GPR158: variants seen among roughly 807,000 people sequenced by gnomAD.
GPR158 encodes the protein G protein-coupled receptor 158, also known as metabotropic glycine receptor.
GPR158 carries 30 observed loss-of-function variants against 78.2 expected under a neutral mutation model. That is an observed-to-expected ratio of 0.38 (90% CI 0.29 to 0.52). The LOEUF (loss-of-function observed/expected upper bound fraction) is 0.52. Among genes scored for constraint, GPR158 ranks in the 20% least tolerant of loss-of-function variants. The pLI is 0.83. For missense variants in GPR158, 1,463 were observed against 1,523.5 expected, an observed-to-expected ratio of 0.96 and a Z score of 0.66; for synonymous variants, 581 against 591.1, an observed-to-expected ratio of 0.98 and a Z score of 0.25.
chr10:25,412,643 A>G (rs1834608722), intron 4 of GPR158, among the ~76,000 whole-genome samples, 170 bp downstream of exon 4: 1 of 152,222 alleles, frequency 6.6e-6, no homozygotes, highest in Non-Finnish European at 1.5e-5. Context: ...AGAAAAATAG[A>G]GATTAAAACA....
intron 7 of GPR158, among the ~76,000 whole-genome samples, chr10:25,582,861 A>G (rs375235881): frequency 3.3e-5 from 5 of 152,338 alleles, no homozygotes; most frequent in African/African-American, 1.2e-4. Context: ...TTCTGAGGAG[A>G]GCTCCTTTAA....
At chr10:25,330,577 G>T (rs1194096652) in intron 2 of GPR158, among the ~76,000 whole-genome samples, 1 of 152,156 alleles carries the variant, frequency 6.6e-6, no homozygotes, top group Admixed American at 6.5e-5. Context: ...ATGTTTAGAG[G>T]TTATATCTTG....
chr10:25,575,468 T>C (rs1837079470), intron 7 of GPR158, among the ~76,000 whole-genome samples: 1 of 152,126 alleles, frequency 6.6e-6, no homozygotes, highest in Non-Finnish European at 1.5e-5. Context: ...ACCTGGGGAC[T>C]TGTTAGAAAT....
At chr10:25,407,400 T>C (rs757245333) in intron 3 of GPR158, among the ~76,000 whole-genome samples, 3 of 152,198 alleles carry the variant, frequency 2.0e-5, no homozygotes, top group African/African-American at 7.2e-5. Flanking sequence ...ATTCTTTAGG[T>C]AATATTATCT....
chr10:25,459,053 T>G (rs1169158142), intron 4 of GPR158, among the ~76,000 whole-genome samples: 1 of 152,210 alleles, frequency 6.6e-6, no homozygotes, highest in Non-Finnish European at 1.5e-5. Context: ...TTCTTTTCCA[T>G]TTATGTAATT....
At chr10:25,398,586 A>C (rs1265456914) in intron 3 of GPR158, among the ~76,000 whole-genome samples, 1 of 152,198 alleles carries the variant, frequency 6.6e-6, no homozygotes, top group Non-Finnish European at 1.5e-5. Context: ...TACCAGGAGA[A>C]ACTGGTTAAC....
At chr10:25,491,145 C>G (rs1835804007) in intron 5 of GPR158, among the ~76,000 whole-genome samples, 1 of 152,050 alleles carries the variant, frequency 6.6e-6, no homozygotes, top group African/African-American at 2.4e-5. Flanking sequence ...GTGTGTGTAT[C>G]AAAAATTATC....
chr10:25,336,291 A>G (rs1419889631), intron 2 of GPR158, among the ~76,000 whole-genome samples: 1 of 152,082 alleles, frequency 6.6e-6, no homozygotes, highest in Non-Finnish European at 1.5e-5. Flanking sequence ...TAATAGAAAA[A>G]AAGACTTGAA....
At chr10:25,340,714 A>G (rs949800844) in intron 2 of GPR158, among the ~76,000 whole-genome samples, 1 of 152,000 alleles carries the variant, frequency 6.6e-6, no homozygotes, top group Non-Finnish European at 1.5e-5. Flanking sequence ...CTATGTAGAA[A>G]AGAGCTTAAA....
intron 2 of GPR158, among the ~76,000 whole-genome samples, chr10:25,310,762 T>A (rs1165794292): frequency 6.6e-6 from 1 of 152,046 alleles, no homozygotes; most frequent in African/African-American, 2.4e-5. Context: ...ATTTTTCTTT[T>A]GGATTTTGAG....
chr10:25,207,880 G>A (rs1250824880), intron 1 of GPR158, among the ~76,000 whole-genome samples: 1 of 152,202 alleles, frequency 6.6e-6, no homozygotes, highest in Non-Finnish European at 1.5e-5. Context: ...AGATAACAAT[G>A]TAAGTGCTGC....
intron 2 of GPR158, among the ~76,000 whole-genome samples, chr10:25,345,633 A>G (rs112042029): frequency 1.3e-5 from 2 of 151,990 alleles, no homozygotes; most frequent in Admixed American, 6.6e-5. Context: ...CTATAAATCA[A>G]CTTGTTTTTT....
intron 2 of GPR158, among the ~76,000 whole-genome samples, chr10:25,280,964 C>T (rs1012398389): frequency 4.7e-5 from 7 of 149,422 alleles, no homozygotes; most frequent in Non-Finnish European, 9.0e-5. Context: ...GCAAAATCCC[C>T]TCTCTACTAA....
intron 2 of GPR158, among the ~76,000 whole-genome samples, chr10:25,347,469 AG>A (rs1269008412): frequency 6.6e-6 from 1 of 152,028 alleles, no homozygotes; most frequent in Non-Finnish European, 1.5e-5. Flanking sequence ...TGCACAGATT[AG>A]GATGTGGCCA....
chr10:25,277,125 T>A (rs906995061), intron 2 of GPR158, among the ~76,000 whole-genome samples: 11 of 151,924 alleles, frequency 7.2e-5, no homozygotes, highest in African/African-American at 2.2e-4. Flanking sequence ...AATTTAAAAA[T>A]TTTTAAAAGA....
chr10:25,248,954 A>C (rs1381526634), intron 2 of GPR158, among the ~76,000 whole-genome samples: 1 of 150,602 alleles, frequency 6.6e-6, no homozygotes, highest in Non-Finnish European at 1.5e-5. Flanking sequence ...TGAGCATGGA[A>C]TGTTCTTCCA....
intron 2 of GPR158, among the ~76,000 whole-genome samples, chr10:25,358,179 G>T (rs1368025879): frequency 6.6e-6 from 1 of 152,084 alleles, no homozygotes; most frequent in African/African-American, 2.4e-5. Context: ...ATTGTATCAA[G>T]CAAGTAACTA....
chr10:25,288,907 CA>C (rs1854392702), intron 2 of GPR158, among the ~76,000 whole-genome samples: 1 of 152,190 alleles, frequency 6.6e-6, no homozygotes, highest in African/African-American at 2.4e-5. Context: ...TTATTTAATA[CA>C]ATGCCTGTGG....
chr10:25,201,919 A>G (rs963678848), intron 1 of GPR158, among the ~76,000 whole-genome samples: 1 of 152,088 alleles, frequency 6.6e-6, no homozygotes, highest in African/African-American at 2.4e-5. Context: ...CATCAAATAT[A>G]CTGGCCTGAA....
Sources: allele counts gnomAD v4.1 joint callset (sites outside exome capture counted in the v4.1 genomes callset), GRCh38; gene constraint gnomAD v4.1.1; transcripts MANE v1.5; gene names NCBI Gene and HGNC (gene_info 2026-07-23, HGNC 2026-07-21).